The following CERCAM variants were observed in gnomAD, a reference collection of about 807,000 sequenced individuals.
CERCAM encodes cerebral endothelial cell adhesion molecule.
A neutral mutation model predicts 66.0 loss-of-function variants in CERCAM; 59 were observed. The observed-to-expected ratio is 0.89, with a 90% CI of 0.73 to 1.11. The LOEUF is 1.11. CERCAM is among the 50% of genes most tolerant of loss of function. The pLI is 0.00. For synonymous variants in CERCAM, 318 were observed against 343.6 expected (o/e 0.93, Z 0.83); for missense variants, 840 against 828.3 (o/e 1.01, Z -0.17).
chr9:128,422,967 G>T lies in CERCAM; in HGVS notation c.297G>T (p.Glu99Asp). Residue 99 changes from glutamate to aspartate, a missense_variant, in exon 2 of 13, where the codon GAG becomes GAT. By Grantham distance (45) the Glu-to-Asp change is conservative (BLOSUM62 2). Transcript: ENST00000372838. ...DDYAAVVWRP[E>D]GEPRFYPDEE... ...ATGCTGCTGTGGTCTGGAGGCCTGAGGGCGAGCCCAGGTGGTGATCTGAGG... is the reference window on the plus strand; with the variant it reads ...ATGCTGCTGTGGTCTGGAGGCCTGATGGCGAGCCCAGGTGGTGATCTGAGG... 6.2e-7 allele frequency: 1 copy of T among 1,613,768 alleles called. No homozygotes were observed. Among genetic ancestry groups the T allele is most frequent in the Non-Finnish European group, 8.5e-7 (1 of 1,179,996 alleles).
intron 5 of CERCAM, among the ~76,000 whole-genome samples, chr9:128,425,896 A>G (rs1003892495): frequency 1.4e-5 from 2 of 140,056 alleles, no homozygotes; most frequent in African/African-American, 5.5e-5. Flanking sequence ...ATCTCAGCTC[A>G]CTACAGTGTT....
At chr9:128,430,371 C>T (rs1374061550) in intron 8 of CERCAM, among the ~76,000 whole-genome samples, 1 of 152,040 alleles carries the variant, frequency 6.6e-6, no homozygotes, top group South Asian at 2.1e-4. Flanking sequence ...CATTGCACTC[C>T]AGCCTGGGCC....
At position 128,421,031 on chromosome 9, in the gene CERCAM, G is replaced by T; in HGVS notation, c.154G>T (p.Ala52Ser). The T allele has an allele frequency of 7.0e-7, 1 of 1,421,058 alleles. No individual in the cohort carries two copies. The allele number at this position is 1,421,058 out of a possible 1,614,324, so 88.0% of individuals were successfully genotyped here. The change falls in exon 1 of 13, where the codon GCT becomes TCT. Residue 52 changes from alanine (A) to serine (S), a missense_variant. Transcript: ENST00000372838. ...AEHSLPHYLGALERLDYPRAR... is the reference protein window; with the variant it reads ...AEHSLPHYLGSLERLDYPRAR... ...ACACTCGCTGCCCCACTACCTGGGC[G>T]CTCTGGAGCGGCTGGACTACCCCCG...
chr9:128,424,763 C>CTT, intron 5 of CERCAM, 149 bp downstream of exon 5: 1 of 665,134 alleles, frequency 1.5e-6, no homozygotes, highest in Non-Finnish European at 2.5e-6. Context: ...TCTTTTCTCT[C>CTT]TCTTTTTTTT....
At chr9:128,431,790 T>C (rs1833982409) in intron 9 of CERCAM, 1 of 154,386 alleles carries the variant, frequency 6.5e-6, no homozygotes, top group Non-Finnish European at 1.4e-5. Context: ...GGAAGGTGTT[T>C]AGGAGCAGAA....
At position 128,422,976 on chromosome 9, in the gene CERCAM, C is replaced by G; in HGVS notation, c.306C>G (p.Pro102=). 4 of 1,613,718 alleles carry G rather than the reference C, an allele frequency of 2.5e-6. No individual in the cohort carries two copies. Among genetic ancestry groups the G allele is most frequent in the Non-Finnish European group, 3.4e-6 (4 of 1,180,000 alleles). The change falls in exon 2 of 13, where the codon CCC becomes CCG. Residue 102 remains proline (P), a splice_region_variant and synonymous_variant. Transcript: ENST00000372838. ...TGGTCTGGAGGCCTGAGGGCGAGCC[C>G]AGGTGGTGATCTGAGGGGAAGGGTG... ...AAVVWRPEGE[P]RFYPDEEGPK...
At position 128,428,975 on chromosome 9, in the gene CERCAM, A is replaced by G. The variant is rs1299174417; in HGVS notation, c.1009A>G (p.Met337Val). The G allele has an allele frequency of 1.2e-6, 2 of 1,611,664 alleles. No individual in the cohort carries two copies. The highest frequency in any genetic ancestry group is 1.7e-6 in the Non-Finnish European group (2 of 1,179,342). ...LARRPDRRER[M>V]LASLWEMEIS... ...TCGCAGGCCTGACCGTCGGGAACGC[A>G]TGCTCGCCTCGCTCTGGGAGATGGA... The change falls in exon 8 of 13, where the codon ATG (methionine) becomes GTG (valine). Residue 337 changes from methionine to valine, a missense_variant. Coordinates refer to ENST00000372838, the MANE Select transcript of CERCAM (RefSeq NM_016174.5).
chr9:128,424,072 T>G, intron 3 of CERCAM, 66 bp from the exon 4 acceptor site: 2 of 1,565,526 alleles, frequency 1.3e-6, no homozygotes, highest in Non-Finnish European at 1.7e-6. Flanking sequence ...GCAGGACCAC[T>G]CAGTGAACTC....
chr9:128,433,898 T>C (rs1834038129), intron 9 of CERCAM, among the ~76,000 whole-genome samples: 1 of 152,160 alleles, frequency 6.6e-6, no homozygotes, highest in Admixed American at 6.5e-5. Context: ...ACGGTTACCA[T>C]CATGATTCTA....
At chr9:128,426,072 A>G (rs1230702511) in intron 5 of CERCAM, among the ~76,000 whole-genome samples, 2 of 151,960 alleles carry the variant, frequency 1.3e-5, no homozygotes, top group East Asian at 3.9e-4. Context: ...CCAAAGTGCT[A>G]CAATTACAGG....
At chr9:128,419,985 C>T (rs1268072181), upstream of CERCAM, among the ~76,000 whole-genome samples, 2 of 152,062 alleles carry the variant, frequency 1.3e-5, no homozygotes, top group African/African-American at 2.4e-5. Flanking sequence ...ATTCTCCTGC[C>T]TCAGCCTCCC....
chr9:128,433,885 G>A (rs945627917), intron 9 of CERCAM, among the ~76,000 whole-genome samples: 1 of 152,188 alleles, frequency 6.6e-6, no homozygotes, highest in Non-Finnish European at 1.5e-5. Flanking sequence ...TGTAGCAAGG[G>A]CCACGGTTAC....
chr9:128,425,720 A>G (rs960110778), intron 5 of CERCAM, among the ~76,000 whole-genome samples: 7 of 150,784 alleles, frequency 4.6e-5, no homozygotes, highest in African/African-American at 1.7e-4. Context: ...CGTGTTGGTC[A>G]GCCTCGTCTC....
chr9:128,433,324 A>G (rs1212797853), intron 9 of CERCAM, among the ~76,000 whole-genome samples: 1 of 147,992 alleles, frequency 6.8e-6, no homozygotes, highest in Non-Finnish European at 1.5e-5. Flanking sequence ...GGTGGTGGGC[A>G]CCTGTAATCC....
intron 8 of CERCAM, chr9:128,430,644 C>T (rs1214916721): frequency 6.6e-6 from 1 of 152,282 alleles, no homozygotes; most frequent in East Asian, 1.9e-4. Flanking sequence ...TCAGGCAGCC[C>T]CCTACCATCC....
intron 9 of CERCAM, among the ~76,000 whole-genome samples, chr9:128,432,886 G>C (rs192825936): frequency 6.6e-6 from 1 of 151,638 alleles, no homozygotes; most frequent in Non-Finnish European, 1.5e-5. Flanking sequence ...GGTGGCTCAC[G>C]CCTGTAATCC....
At chr9:128,436,782 GTC>G (rs1834123811) in intron 12 of CERCAM, 65 bp from the exon 13 acceptor site, 1 of 152,436 alleles carries the variant, frequency 6.6e-6, no homozygotes, top group African/African-American at 2.4e-5. Context: ...ATCTGTCAGT[GTC>G]TGTCTGTCTC....
intron 9 of CERCAM, 51 bp downstream of exon 9, chr9:128,431,354 G>A (rs1833972268): frequency 1.2e-6 from 2 of 1,608,278 alleles, no homozygotes; most frequent in African/African-American, 2.7e-5. Context: ...AACGGGGCCA[G>A]TTTGTTCTAT....
At position 128,420,862 on chromosome 9, in the gene CERCAM, C is replaced by G; in HGVS notation, c.-16C>G. On this transcript the variant is annotated 5_prime_UTR_variant, in exon 1 of 13. Transcript: ENST00000372838. The surrounding 1 kb of genome is among the most constrained non-coding windows in gnomAD (Gnocchi z 5.0). ...CGAGAGCTCCGGGGGCCGCTGCAGC[C>G]GCCCAAGCGCCCGCCATGCGCGCTG... The G allele has an allele frequency of 8.3e-7, 1 of 1,210,908 alleles. No homozygotes were observed. The highest frequency in any genetic ancestry group is 1.6e-5 in the African/African-American group (1 of 63,208). 75.0% of individuals were successfully genotyped at this position (1,210,908 alleles called of 1,614,324 possible). A position where few individuals can be genotyped will look rare whatever the true frequency, so the allele number is the denominator to read the frequency against.
Sources: gnomAD v4.1 joint callset for allele counts (sites outside exome capture counted in the v4.1 genomes callset) on GRCh38, gnomAD v4.1.1 for gene constraint, Gnocchi (gnomAD v3.1) non-coding constraint, MANE v1.5 for transcripts, NCBI Gene and HGNC (gene_info 2026-07-23, HGNC 2026-07-21) for gene names.